Variants in CA2 observed in about 807,000 individuals in gnomAD.
The protein encoded by CA2 is carbonate dehydratase II.
A neutral mutation model predicts 27.8 loss-of-function variants in CA2; 23 were observed. The ratio of observed to expected loss-of-function variants is 0.83; its 90% CI spans 0.59 to 1.17. CA2 has a LOEUF of 1.17. Ranked by LOEUF, CA2 falls within the 50% of genes most tolerant of loss-of-function variation. CA2 has a pLI of 0.00. For missense variants in CA2, 300 were observed against 314.7 expected (o/e 0.95, Z 0.35); for synonymous variants, 99 against 114.9 (o/e 0.86, Z 0.88).
At chr8:85,466,336 GT>G (rs997566960) in intron 2 of CA2, among the ~76,000 whole-genome samples, 1 of 151,984 alleles carries the variant, frequency 6.6e-6, no homozygotes, top group Non-Finnish European at 1.5e-5. Flanking sequence ...AACACATTTT[GT>G]TTGGTGGTGG....
intron 2 of CA2, 92 bp from the exon 3 acceptor site, chr8:85,473,601 A>ATGTG: frequency 1.4e-6 from 1 of 719,212 alleles, no homozygotes; most frequent in Non-Finnish European, 2.6e-6. Flanking sequence ...CATGTGTTTC[A>ATGTG]TGTGTGTGTA....
At chr8:85,475,700 C>G (rs1432478517) in intron 4 of CA2, 98 bp from the exon 5 acceptor site, 1 of 1,082,578 alleles carries the variant, frequency 9.2e-7, no homozygotes, top group Non-Finnish European at 1.4e-6. Context: ...TTTGGGCTCA[C>G]TATTTGGATG....
chr8:85,465,716 G>C (rs1408109150), intron 2 of CA2, among the ~76,000 whole-genome samples: 1 of 152,144 alleles, frequency 6.6e-6, no homozygotes, highest in Non-Finnish European at 1.5e-5. Context: ...GAATAACTGC[G>C]ATATGCCTGT....
intron 2 of CA2, among the ~76,000 whole-genome samples, chr8:85,466,572 G>A (rs146125356): frequency 0.015 from 2,309 of 152,006 alleles, 29 homozygotes; most frequent in South Asian, 0.033. Context: ...GGTGATTCTG[G>A]AAGACAATTT....
At chr8:85,465,496 C>A (rs1240814018) in intron 2 of CA2, 27 bp downstream of exon 2, 1 of 1,583,584 alleles carries the variant, frequency 6.3e-7, no homozygotes, top group South Asian at 1.1e-5. Context: ...TAACTTGTGT[C>A]TTTTAGCCAG....
At chr8:85,470,326 T>G (rs1485193497) in intron 2 of CA2, among the ~76,000 whole-genome samples, 5 of 152,208 alleles carry the variant, frequency 3.3e-5, no homozygotes, top group African/African-American at 9.6e-5. Flanking sequence ...ATTTAAAATT[T>G]TTCAGGTTAT....
At chr8:85,466,679 TACACAC>T (rs33928115) in intron 2 of CA2, among the ~76,000 whole-genome samples, 166 of 149,052 alleles carry the variant, frequency 1.1e-3, no homozygotes, top group Admixed American at 2.1e-3. Context: ...CATACATACA[TACACAC>T]ACACACACAC....
chr8:85,469,351 C>T (rs1811681151), intron 2 of CA2, among the ~76,000 whole-genome samples: 1 of 152,166 alleles, frequency 6.6e-6, no homozygotes, highest in South Asian at 2.1e-4. Context: ...TATATCCAAA[C>T]TTAAGAACTT....
In CA2 at chr8:85,474,368, A is replaced by T. The variant is rs1226364899; in HGVS notation, c.396A>T (p.Lys132Asn). ...ACACCAAATATGGGGATTTTGGGAA[A>T]GCTGTGCAGCAACCTGATGGACTGG... ...HWNTKYGDFG[K>N]AVQQPDGLAV... Residue 132 changes from lysine (K) to asparagine (N), a missense_variant, in exon 4 of 7, where the codon AAA (lysine) becomes AAT (asparagine). Lys to Asn is a moderately conservative substitution (Grantham distance 94, BLOSUM62 0). Around this residue, in one of 3 missense-constraint regions of CA2, gnomAD observed 173 missense variants for 161.0 expected, o/e 1.07. Coordinates refer to ENST00000285379, the MANE Select transcript of CA2 (RefSeq NM_000067.3). The T allele has an allele frequency of 1.9e-5, 30 of 1,614,186 alleles. No individual in the cohort carries two copies. The highest frequency in any genetic ancestry group is 2.4e-5 in the Non-Finnish European group (28 of 1,180,026).
At chr8:85,476,036 G>C (rs1313537876) in intron 5 of CA2, among the ~76,000 whole-genome samples, 176 bp downstream of exon 5, 1 of 152,172 alleles carries the variant, frequency 6.6e-6, no homozygotes, top group East Asian at 1.9e-4. Flanking sequence ...CAACAAAGTT[G>C]ATCCTAATGC....
At chr8:85,480,522 C>A in intron 6 of CA2, 148 bp from the exon 7 acceptor site, 2 of 711,136 alleles carry the variant, frequency 2.8e-6, no homozygotes, top group Non-Finnish European at 4.8e-6. Context: ...GTGATCCACC[C>A]GCCTCATGCC....
chr8:85,467,570 C>T (rs1811648352), intron 2 of CA2, among the ~76,000 whole-genome samples: 1 of 152,186 alleles, frequency 6.6e-6, no homozygotes, highest in South Asian at 2.1e-4. Context: ...TAAACTTTTT[C>T]TTTAACAGCT....
At chr8:85,467,516 T>A (rs751735891) in intron 2 of CA2, among the ~76,000 whole-genome samples, 2 of 152,234 alleles carry the variant, frequency 1.3e-5, no homozygotes, top group African/African-American at 2.4e-5. Flanking sequence ...CCACCTCTGT[T>A]AGACCATTGC....
chr8:85,473,934 G>T, intron 3 of CA2, 123 bp downstream of exon 3: 2 of 726,954 alleles, frequency 2.8e-6, no homozygotes, highest in Admixed American at 4.2e-5. Context: ...TTTTACAAAG[G>T]ACCTTCACAT....
At chr8:85,465,201 A>G in intron 1 of CA2, 71 bp from the exon 2 acceptor site, 3 of 1,275,104 alleles carry the variant, frequency 2.4e-6, no homozygotes, top group Non-Finnish European at 3.4e-6. Flanking sequence ...CTCCGGAATG[A>G]TTGCTCTTCT....
chr8:85,473,853 A>G (rs754490432), intron 3 of CA2, 42 bp downstream of exon 3: 15 of 1,057,520 alleles, frequency 1.4e-5, no homozygotes, highest in Admixed American at 3.4e-5. Context: ...AAAAATGTTT[A>G]TAAGTTGATA....
At chr8:85,476,030 A>G (rs185772275) in intron 5 of CA2, among the ~76,000 whole-genome samples, 170 bp downstream of exon 5, 84 of 152,338 alleles carry the variant, frequency 5.5e-4, no homozygotes, top group African/African-American at 1.7e-3. Context: ...TTCTTTCAAC[A>G]AAGTTGATCC....
rs371859028 is a variant in CA2 at position 85,472,880 on chromosome 8, A to T, written c.233-813A>T. On this transcript the variant is annotated intron_variant, in intron 2 of 6. Transcript: ENST00000285379. ...GTGGTGCACACCTGTAATCCCAGCT[A>T]CTCGGGAGGCTGAGGCACGAGAATC... Among the ~76,000 whole-genome samples, 119 of 151,738 alleles carry T rather than the reference A, an allele frequency of 7.8e-4. 2 individuals are homozygous for T. The East Asian group carries it at 0.021, about 27-fold the overall frequency.
At chr8:85,468,116 G>A (rs1454223028) in intron 2 of CA2, among the ~76,000 whole-genome samples, 2 of 152,236 alleles carry the variant, frequency 1.3e-5, no homozygotes, top group Non-Finnish European at 2.9e-5. Context: ...CTATGGAAAC[G>A]TGAAGGAGGC....
Sources: allele counts gnomAD v4.1 joint callset (sites outside exome capture counted in the v4.1 genomes callset), GRCh38; gene constraint gnomAD v4.1.1; regional missense constraint gnomAD v4.1.1; transcripts MANE v1.5; gene names NCBI Gene and HGNC (gene_info 2026-07-23, HGNC 2026-07-21).